The following STRBP variants were observed in gnomAD, a reference collection of about 807,000 sequenced individuals.
STRBP encodes the protein spermatid perinuclear RNA-binding protein.
STRBP carries 13 observed loss-of-function variants against 80.1 expected under a neutral mutation model. The ratio of observed to expected loss-of-function variants is 0.16; its 90% CI spans 0.11 to 0.26. The LOEUF (loss-of-function observed/expected upper bound fraction) is 0.26, where lower values mean the gene tolerates loss of function less well. STRBP is among the 10% of genes least tolerant of loss of function. The pLI is 1.00. For missense variants in STRBP, 485 were observed against 815.2 expected, an observed-to-expected ratio of 0.59 and a Z score of 4.93; for synonymous variants, 284 against 291.2, an observed-to-expected ratio of 0.98 and a Z score of 0.25.
intron 13 of STRBP, among the ~76,000 whole-genome samples, chr9:123,141,553 C>G (rs534087533): frequency 6.6e-6 from 1 of 152,322 alleles, no homozygotes; most frequent in African/African-American, 2.4e-5. Flanking sequence ...CCAACACAGG[C>G]TGCAAGTCAA....
In STRBP at chr9:123,173,994, A is replaced by T; in HGVS notation, c.225-152T>A. On this transcript the variant is annotated intron_variant, in intron 4 of 18. Coordinates refer to ENST00000348403, the MANE Select transcript of STRBP (RefSeq NM_018387.5). ...TCCACAAAATTAAGCCTCAGATTTG[A>T]GGCTTATAAAGTATCTATCTTCCCT... is the stretch of plus-strand genomic sequence containing the variant. The T allele has an allele frequency of 1.6e-5, 12 of 770,122 alleles. No individual in the cohort carries two copies. The South Asian group carries it at 2.6e-4, about 17-fold the overall frequency. The allele number at this position is 770,122 out of a possible 1,614,324, so 47.7% of individuals were successfully genotyped here.
intron 2 of STRBP, among the ~76,000 whole-genome samples, chr9:123,211,046 C>T (rs576453749): frequency 5.2e-4 from 79 of 152,232 alleles, no homozygotes; most frequent in Middle Eastern, 6.8e-3. Context: ...TAGGTATACA[C>T]TAAGAGAAAC....
intron 1 of STRBP, among the ~76,000 whole-genome samples, chr9:123,261,228 TG>T (rs2041154689): frequency 6.6e-6 from 1 of 152,230 alleles, no homozygotes. Flanking sequence ...CTGAGCTTCC[TG>T]GGAGGACTAA....
At chr9:123,181,536 C>G (rs2038457868) in intron 3 of STRBP, among the ~76,000 whole-genome samples, 1 of 152,144 alleles carries the variant, frequency 6.6e-6, no homozygotes, top group Admixed American at 6.5e-5. Context: ...GTGGCTCATG[C>G]CTGTAATCCC....
At chr9:123,128,602 C>T (rs930839162) in intron 17 of STRBP, among the ~76,000 whole-genome samples, 3 of 152,240 alleles carry the variant, frequency 2.0e-5, no homozygotes, top group African/African-American at 4.8e-5. Context: ...TATCCGTCGT[C>T]GCATCATCTG....
At chr9:123,160,298 A>AT in intron 8 of STRBP, 69 bp downstream of exon 8, 1 of 1,135,996 alleles carries the variant, frequency 8.8e-7, no homozygotes, top group Non-Finnish European at 1.2e-6. Flanking sequence ...TTAAAGTAAC[A>AT]TCTCATTTCT....
intron 2 of STRBP, among the ~76,000 whole-genome samples, chr9:123,225,695 G>A (rs758742350): frequency 1.3e-5 from 2 of 152,104 alleles, no homozygotes; most frequent in African/African-American, 4.8e-5. Context: ...ATTCAACCTC[G>A]TCTGTGCCTA....
At chr9:123,182,217 TAAA>T (rs10546358) in intron 3 of STRBP, among the ~76,000 whole-genome samples, 5 of 69,796 alleles carry the variant, frequency 7.2e-5, no homozygotes, top group South Asian at 6.8e-4. Context: ...TCCGTTTCTT[TAAA>T]AAAAAAAAAA....
rs765140435 is a variant in STRBP, at chr9:123,227,361, AAC to A, written c.-165+9467_-165+9468del. Among the ~76,000 whole-genome samples, 6 of 152,208 alleles carry A rather than the reference AAC, an allele frequency of 3.9e-5. No individual in the cohort carries two copies. The South Asian group carries it at 6.2e-4, about 16-fold the overall frequency. On this transcript the variant is annotated intron_variant, in intron 2 of 18. Transcript: ENST00000348403. ...CATCAAGTGCAAAGGCCCTGAGTCT[AAC>A]ACACACCTGTTTGAAGAAGAGCAAG...
In STRBP at chr9:123,184,249, G is replaced by T; in HGVS notation, c.-115C>A. The stretch of plus-strand genomic sequence containing the variant: ...CCTCATAAGCCTGAGTCCCCTGACA[G>T]CTCAGCGTCAATATAGCAAATGTCT... On this transcript the variant is annotated 5_prime_UTR_variant, in exon 3 of 19. In the 5' UTR this introduces an upstream ATG that the reference lacks. Coordinates refer to ENST00000348403, the MANE Select transcript of STRBP (RefSeq NM_018387.5). The T allele has an allele frequency of 1.0e-6, 1 of 988,974 alleles. No individual in the cohort carries two copies. Among genetic ancestry groups the T allele is most frequent in the Non-Finnish European group, 1.5e-6 (1 of 664,586 alleles). The allele number at this position is 988,974 out of a possible 1,614,324, so 61.3% of individuals were successfully genotyped here.
In STRBP at chr9:123,132,927, T is replaced by C. The variant is rs1300406805; in HGVS notation, c.1815A>G (p.Gln605=). The change falls in exon 17 of 19, where the codon CAA becomes CAG. Residue 605 remains glutamine, a synonymous_variant. Transcript: ENST00000348403. The part of the protein sequence containing the change: ...VVNTAVSAAV[Q]AVRGRGRGTL... ...TTCCTCTTCCTCTGCCCCGAACAGC[T>C]TGGACTGCTGCAGACACAGCTGTAT... 1 of 1,614,154 alleles carries C rather than the reference T, an allele frequency of 6.2e-7. No homozygotes were observed. The highest frequency in any genetic ancestry group is 8.5e-7 in the Non-Finnish European group (1 of 1,179,994).
intron 10 of STRBP, 75 bp downstream of exon 10, chr9:123,158,256 AG>A: frequency 6.5e-7 from 1 of 1,550,318 alleles, no homozygotes. Context: ...ACAAGAAAAA[AG>A]TGTTTGAACA....
At chr9:123,267,748 C>A (rs529122338) in intron 1 of STRBP, among the ~76,000 whole-genome samples, 115 of 151,484 alleles carry the variant, frequency 7.6e-4, no homozygotes, top group African/African-American at 2.6e-3. Context: ...CCACTCCCTG[C>A]CCCTGGCACG....
intron 1 of STRBP, among the ~76,000 whole-genome samples, chr9:123,254,940 T>C (rs2040997652): frequency 6.6e-6 from 1 of 152,230 alleles, no homozygotes; most frequent in African/African-American, 2.4e-5. Flanking sequence ...AGCCGGTGAA[T>C]TGCAAGTTTT....
At chr9:123,180,119 G>C (rs2038391536) in intron 3 of STRBP, among the ~76,000 whole-genome samples, 1 of 152,112 alleles carries the variant, frequency 6.6e-6, no homozygotes, top group Admixed American at 6.5e-5. Flanking sequence ...AGCCGGACGT[G>C]GTAGCAGGTG....
At chr9:123,174,933 G>A (rs1461866758) in intron 4 of STRBP, among the ~76,000 whole-genome samples, 4 of 152,114 alleles carry the variant, frequency 2.6e-5, no homozygotes, top group Non-Finnish European at 5.9e-5. Flanking sequence ...TTTGGGTATG[G>A]CAAACATATT....
In STRBP at chr9:123,184,190, T is replaced by C; in HGVS notation, c.-56A>G. The C allele has an allele frequency of 1.9e-6, 3 of 1,586,266 alleles. No homozygotes were observed. Among genetic ancestry groups the C allele is most frequent in the Non-Finnish European group, 2.6e-6 (3 of 1,158,996 alleles). On this transcript the variant is annotated 5_prime_UTR_variant, in exon 3 of 19. Transcript: ENST00000348403. ...CGATCCTTTCCCCTCTTTCTTGTCG[T>C]CTTCACTAGACACTGTTTTGTGTAA... is the stretch of plus-strand genomic sequence containing the variant.
At chr9:123,127,881 C>T (rs1442353855) in intron 18 of STRBP, among the ~76,000 whole-genome samples, 1 of 152,212 alleles carries the variant, frequency 6.6e-6, no homozygotes, top group African/African-American at 2.4e-5. Context: ...GGTAGGCAGC[C>T]AAGCTAGCAA....
At chr9:123,155,772 T>G (rs1369672925) in intron 11 of STRBP, among the ~76,000 whole-genome samples, 1 of 150,872 alleles carries the variant, frequency 6.6e-6, no homozygotes, top group Non-Finnish European at 1.5e-5. Context: ...GATAAAATAT[T>G]TGTGAGAGAA....
Sources: allele counts gnomAD v4.1 joint callset (sites outside exome capture counted in the v4.1 genomes callset), GRCh38; gene constraint gnomAD v4.1.1; transcripts MANE v1.5; gene names NCBI Gene and HGNC (gene_info 2026-07-23, HGNC 2026-07-21).